Variants in INPP4B observed in about 807,000 individuals in gnomAD.
INPP4B encodes the protein inositol polyphosphate-4-phosphatase type II B, also known as inositol polyphosphate 4-phosphatase type II.
INPP4B carries 55 observed loss-of-function variants against 122.5 expected under a neutral mutation model. That is an observed-to-expected ratio of 0.45 (90% CI 0.36 to 0.56). The LOEUF (loss-of-function observed/expected upper bound fraction) is 0.56, where lower values mean the gene tolerates loss of function less well. INPP4B is among the 20% of genes least tolerant of loss of function. The pLI, the probability that INPP4B is intolerant of heterozygous loss-of-function variation, is 0.00. For missense variants in INPP4B, 1,000 were observed against 1,097.7 expected (o/e 0.91, Z 1.26); for synonymous variants, 403 against 388.7 (o/e 1.04, Z -0.43).
chr4:142,075,125 G>A (rs1324605794), intron 25 of INPP4B, among the ~76,000 whole-genome samples: 1 of 152,086 alleles, frequency 6.6e-6, no homozygotes, highest in Non-Finnish European at 1.5e-5. Context: ...GACTATTAGT[G>A]GCTATTATAA....
chr4:142,084,254 G>C (rs1048928400), intron 24 of INPP4B, among the ~76,000 whole-genome samples: 1 of 152,058 alleles, frequency 6.6e-6, no homozygotes, highest in Non-Finnish European at 1.5e-5. Context: ...CTCCTGAGTG[G>C]CTGGGATTAC....
chr4:142,221,389 CAAAA>C (rs570703001), intron 12 of INPP4B, among the ~76,000 whole-genome samples: 5 of 28,554 alleles, frequency 1.8e-4, no homozygotes, highest in East Asian at 1.4e-3. Context: ...GACTCCTTCT[CAAAA>C]AAAAAAAAAA....
chr4:142,423,779 A>G (rs1030061336), intron 5 of INPP4B: 6 of 429,642 alleles, frequency 1.4e-5, no homozygotes, highest in African/African-American at 8.4e-5. Flanking sequence ...CAGACCTTCT[A>G]CAAGTGGTGG....
chr4:142,237,159 C>G (rs982165422), intron 12 of INPP4B, among the ~76,000 whole-genome samples: 2 of 152,078 alleles, frequency 1.3e-5, no homozygotes, highest in Non-Finnish European at 2.9e-5. Context: ...TTTATTCAGT[C>G]ATCTCCAGTA....
chr4:142,342,624 T>G (rs1296566481), intron 7 of INPP4B, among the ~76,000 whole-genome samples: 1 of 152,126 alleles, frequency 6.6e-6, no homozygotes, highest in Admixed American at 6.6e-5. Flanking sequence ...CAAGAATTGT[T>G]GCATATTTTC....
chr4:142,131,753 C>T (rs1462401267), intron 18 of INPP4B, among the ~76,000 whole-genome samples: 3 of 152,104 alleles, frequency 2.0e-5, no homozygotes, highest in East Asian at 3.9e-4. Flanking sequence ...GGTGGGAGTT[C>T]GAGACCAGCC....
At chr4:142,670,602 A>C (rs1756855481) in intron 2 of INPP4B, among the ~76,000 whole-genome samples, 1 of 152,154 alleles carries the variant, frequency 6.6e-6, no homozygotes, top group Admixed American at 6.6e-5. Flanking sequence ...AAAAAAGTTG[A>C]TGTCATGGAA....
intron 3 of INPP4B, among the ~76,000 whole-genome samples, chr4:142,454,934 T>A (rs1815067310): frequency 6.6e-6 from 1 of 152,068 alleles, no homozygotes; most frequent in African/African-American, 2.4e-5. Flanking sequence ...GGAAAATTGT[T>A]GAAAGGAGTT....
chr4:142,574,914 G>T (rs762318376), intron 2 of INPP4B, among the ~76,000 whole-genome samples: 86 of 152,050 alleles, frequency 5.7e-4, no homozygotes, highest in Non-Finnish European at 1.1e-3. Flanking sequence ...GAGCATGTTT[G>T]TTATGTGACT....
chr4:142,308,696 CATT>C lies in INPP4B; in HGVS notation c.424-3162_424-3160del, dbSNP rs551521733. Among the ~76,000 whole-genome samples, 24 of 151,734 alleles carry C rather than the reference CATT, an allele frequency of 1.6e-4. 2 individuals carry two copies. In the South Asian group the frequency reaches 3.7e-3, roughly 24 times the overall value. On this transcript the variant is annotated intron_variant, in intron 8 of 25. Transcript: ENST00000262992. ...GCTATTATATCTTTGCTATCACTGT[CATT>C]ATAATTATATAATTTAAGATAATTT...
intron 1 of INPP4B, among the ~76,000 whole-genome samples, chr4:142,824,314 A>ATCTCTATCTCTATC (rs1554016382): frequency 4.3e-4 from 65 of 150,738 alleles, no homozygotes; most frequent in Non-Finnish European, 6.2e-4. Flanking sequence ...CTGTCTATCT[A>ATCTCTATCTCTATC]TCTATCTCTA....
intron 1 of INPP4B, among the ~76,000 whole-genome samples, chr4:142,775,192 T>C (rs1773672931): frequency 1.3e-5 from 2 of 152,084 alleles, no homozygotes; most frequent in South Asian, 4.1e-4. Flanking sequence ...ATGGTGACCT[T>C]GATCATTCAG....
chr4:142,205,308 A>G (rs1020704121), intron 14 of INPP4B, among the ~76,000 whole-genome samples: 2 of 152,140 alleles, frequency 1.3e-5, no homozygotes, highest in Admixed American at 6.6e-5. Flanking sequence ...AAACAAATCT[A>G]TCTGGTTTGA....
At chr4:142,677,231 CAT>C (rs1485428228) in intron 2 of INPP4B, among the ~76,000 whole-genome samples, 1 of 152,074 alleles carries the variant, frequency 6.6e-6, no homozygotes, top group Non-Finnish European at 1.5e-5. Flanking sequence ...AGCTAACAAA[CAT>C]ATGTAAAAAA....
intron 7 of INPP4B, among the ~76,000 whole-genome samples, chr4:142,389,850 T>C (rs922740068): frequency 6.6e-6 from 1 of 152,194 alleles, no homozygotes; most frequent in African/African-American, 2.4e-5. Context: ...TAAAAGATTA[T>C]AAAAAGGCAT....
At chr4:142,684,319 TG>T (rs1467471678) in intron 2 of INPP4B, among the ~76,000 whole-genome samples, 1 of 152,064 alleles carries the variant, frequency 6.6e-6, no homozygotes, top group African/African-American at 2.4e-5. Flanking sequence ...CAAAAGGGAT[TG>T]CATGGGAATA....
At chr4:142,438,500 T>G (rs1008625073) in intron 3 of INPP4B, among the ~76,000 whole-genome samples, 1 of 152,156 alleles carries the variant, frequency 6.6e-6, no homozygotes, top group African/African-American at 2.4e-5. Flanking sequence ...GCTAGCCATA[T>G]GCAGAAAACT....
chr4:142,517,027 A>T (rs1482299815), intron 2 of INPP4B, among the ~76,000 whole-genome samples: 1 of 151,798 alleles, frequency 6.6e-6, no homozygotes, highest in Non-Finnish European at 1.5e-5. Flanking sequence ...CCATTCCAAG[A>T]ATCTGGGCAA....
chr4:142,250,242 G>A (rs1316875454), intron 11 of INPP4B, among the ~76,000 whole-genome samples: 1 of 152,202 alleles, frequency 6.6e-6, no homozygotes, highest in Non-Finnish European at 1.5e-5. Context: ...GGCATGAAAA[G>A]GGTGAGGCCT....
Sources: allele counts gnomAD v4.1 joint callset (sites outside exome capture counted in the v4.1 genomes callset), GRCh38; gene constraint gnomAD v4.1.1; transcripts MANE v1.5; gene names NCBI Gene and HGNC (gene_info 2026-07-23, HGNC 2026-07-21).